The following DUSP12 variants were observed in gnomAD, a reference collection of about 807,000 sequenced individuals.
DUSP12 encodes dual specificity protein phosphatase 12.
In DUSP12, 25 loss-of-function variants were observed where a neutral mutation model predicts 38.9. The ratio of observed to expected loss-of-function variants is 0.64; its 90% CI spans 0.47 to 0.90. The LOEUF (loss-of-function observed/expected upper bound fraction) is 0.90. Among genes scored for constraint, DUSP12 ranks in the 40% least tolerant of loss-of-function variants. The pLI is 0.00. For synonymous variants in DUSP12, 153 were observed against 153.9 expected, an observed-to-expected ratio of 0.99 and a Z score of 0.05; for missense variants, 403 against 427.0, an observed-to-expected ratio of 0.94 and a Z score of 0.50.
chr1:161,752,269 G>C (rs779922042), intron 3 of DUSP12, 99 bp from the exon 4 acceptor site: 1 of 770,346 alleles, frequency 1.3e-6, no homozygotes, highest in East Asian at 2.6e-5. Flanking sequence ...TTTAATTTTT[G>C]AGGTTAGCAC....
intron 5 of DUSP12, among the ~76,000 whole-genome samples, chr1:161,753,986 T>G (rs1197921872): frequency 1.3e-5 from 2 of 152,196 alleles, no homozygotes; most frequent in Non-Finnish European, 2.9e-5. Context: ...AAAAAAAGAA[T>G]GCAGTTCATG....
In DUSP12 at chr1:161,757,085, G is replaced by T; in HGVS notation, c.*138G>T. 1 of 804,360 alleles carries T rather than the reference G, an allele frequency of 1.2e-6. No homozygotes were observed. Among genetic ancestry groups the T allele is most frequent in the Non-Finnish European group, 1.9e-6 (1 of 531,096 alleles). 49.8% of individuals were successfully genotyped at this position (804,360 alleles called of 1,614,324 possible). On this transcript the variant is annotated 3_prime_UTR_variant, in exon 6 of 6. Transcript: ENST00000367943. ...AGATAAAATCACTTGATGTAACCTG[G>T]AAACTATGCTTTACATGGCAATCAA...
chr1:161,750,283 G>GGCA, intron 1 of DUSP12, 138 bp downstream of exon 1: 2 of 927,064 alleles, frequency 2.2e-6, no homozygotes, highest in Non-Finnish European at 3.2e-6. Context: ...TCCCGCAGGA[G>GGCA]GCGTGTTTCC....
chr1:161,753,954 T>C (rs912516829), intron 5 of DUSP12, among the ~76,000 whole-genome samples: 5 of 152,196 alleles, frequency 3.3e-5, no homozygotes, highest in African/African-American at 1.2e-4. Flanking sequence ...CTATTGCTCC[T>C]GTAACCAGTG....
chr1:161,753,346 T>A (rs1684057407), intron 5 of DUSP12, 85 bp downstream of exon 5: 4 of 1,110,996 alleles, frequency 3.6e-6, no homozygotes, highest in Non-Finnish European at 4.9e-6. Flanking sequence ...TTTTAACTAG[T>A]GTTTTGCTCC....
rs1571099275 is a variant in DUSP12 at position 161,751,882 on chromosome 1, G to A, written c.475G>A (p.Glu159Lys). The change falls in exon 3 of 6, where the codon GAG becomes AAG. Residue 159 changes from glutamate to lysine, a missense_variant. Physicochemically the swap from Glu to Lys is moderately conservative, Grantham distance 56 (BLOSUM62 1). Transcript: ENST00000367943. ...TCATTACAGGATGAATGAGGGGTTT[G>A]AGTGGCAACTGAAATTATACCAGGC... is the stretch of plus-strand genomic sequence containing the variant. ...KPEAKMNEGF[E>K]WQLKLYQAMG... 1 of 1,612,836 alleles carries A rather than the reference G, an allele frequency of 6.2e-7. No homozygotes were observed.
chr1:161,753,777 A>G (rs769977950), intron 5 of DUSP12, among the ~76,000 whole-genome samples: 6 of 152,190 alleles, frequency 3.9e-5, no homozygotes, highest in Non-Finnish European at 8.8e-5. Flanking sequence ...GTAACAAGAT[A>G]GGGTAAATCA....
rs369277829 is a variant in DUSP12, at chr1:161,753,143, A to C, written c.743A>C (p.His248Pro). The C allele has an allele frequency of 6.2e-7, 1 of 1,613,974 alleles. No individual in the cohort carries two copies. Among genetic ancestry groups the C allele is most frequent in the African/African-American group, 1.3e-5 (1 of 74,916 alleles). ...GGAAGTGGACCTATAGCCTTTGCCC[A>C]CAAGAGAATGACACCATCTTCCATG... ...REGSGPIAFA[H>P]KRMTPSSMLT... The change falls in exon 5 of 6, where the codon CAC becomes CCC. Residue 248 changes from histidine to proline, a missense_variant. Physicochemically the swap from His to Pro is moderately conservative, Grantham distance 77 (BLOSUM62 -2). Transcript: ENST00000367943.
At chr1:161,752,505 A>C (rs199811805) in intron 4 of DUSP12, 41 bp downstream of exon 4, 7 of 1,344,094 alleles carry the variant, frequency 5.2e-6, no homozygotes, top group Non-Finnish European at 7.3e-6. Flanking sequence ...ATCTTGTCTC[A>C]GTAGCTGAAA....
chr1:161,753,249 G>A lies in DUSP12; in HGVS notation c.849G>A (p.Val283=). 6.3e-7 allele frequency: 1 copy of A among 1,599,966 alleles called. No homozygotes were observed. The highest frequency in any genetic ancestry group is 1.7e-4 in the Middle Eastern group (1 of 5,994). Reference sequence around the variant, plus strand: ...GGATGGAATCTGCTTTGTTGGGAGTGATGGATGGACAGGTGAGAACACATT... The same window carrying A: ...GGATGGAATCTGCTTTGTTGGGAGTAATGGATGGACAGGTGAGAACACATT... The part of the protein sequence containing the change: ...VQWMESALLG[V]MDGQLLCPKC... Residue 283 remains valine (V), a synonymous_variant, in exon 5 of 6, where the codon GTG becomes GTA. Transcript: ENST00000367943.
rs1256402639 is a variant in DUSP12 at position 161,753,271 on chromosome 1, C to G, written c.861+10C>G. The G allele has an allele frequency of 6.5e-7, 1 of 1,532,698 alleles. No individual in the cohort carries two copies. Among genetic ancestry groups the G allele is most frequent in the Non-Finnish European group, 8.8e-7 (1 of 1,137,348 alleles). The allele number at this position is 1,532,698 out of a possible 1,614,324, so 94.9% of individuals were successfully genotyped here. On this transcript the variant is annotated intron_variant, in intron 5 of 5. Coordinates refer to ENST00000367943, the MANE Select transcript of DUSP12 (RefSeq NM_007240.3). ...AGTGATGGATGGACAGGTGAGAACA[C>G]ATTTTATTTTCTACAATTTTATTTT...
rs1378367583 is a variant in DUSP12 at position 161,751,863 on chromosome 1, CA to C, written c.459-2del. 2 of 1,609,672 alleles carry C rather than the reference CA, an allele frequency of 1.2e-6. No homozygotes were observed. Among genetic ancestry groups the C allele is most frequent in the Non-Finnish European group, 1.7e-6 (2 of 1,177,602 alleles). ...GAAACTTTATATTTCTTTATCATTA[CA>C]GGATGAATGAGGGGTTTGAGTGGCA... On this transcript the variant is annotated splice_acceptor_variant, in intron 2 of 5. Transcript: ENST00000367943. LOFTEE classifies it high-confidence loss of function.
In DUSP12 at chr1:161,753,075, G is replaced by A; in HGVS notation, c.675G>A (p.Arg225=). 6.3e-7 allele frequency: 1 copy of A among 1,599,228 alleles called. No homozygotes were observed. Among genetic ancestry groups the A allele is most frequent in the Non-Finnish European group, 8.5e-7 (1 of 1,172,234 alleles). ...DEVLYKCRKC[R]RSLFRSSSIL... ...GCTTTTGTTTGTTTGGGGGTTGCAGGCGATCATTATTTCGAAGTTCTAGTA... is the reference window on the plus strand; with the variant it reads ...GCTTTTGTTTGTTTGGGGGTTGCAGACGATCATTATTTCGAAGTTCTAGTA... The change falls in exon 5 of 6, where the codon AGG becomes AGA. Residue 225 remains arginine, a splice_region_variant and synonymous_variant. Transcript: ENST00000367943.
At chr1:161,752,573 T>C in intron 4 of DUSP12, 109 bp downstream of exon 4, 1 of 728,356 alleles carries the variant, frequency 1.4e-6, no homozygotes, top group South Asian at 2.1e-5. Flanking sequence ...TAATTGAAAT[T>C]TTTAGTTCAG....
chr1:161,755,427 T>C (rs1038928550), intron 5 of DUSP12, among the ~76,000 whole-genome samples: 2 of 152,228 alleles, frequency 1.3e-5, no homozygotes, highest in African/African-American at 4.8e-5. Context: ...CAGGCTGATA[T>C]TCAAAATGCC....
intron 3 of DUSP12, 60 bp downstream of exon 3, chr1:161,752,044 A>G (rs1684030722): frequency 1.8e-6 from 2 of 1,130,374 alleles, no homozygotes; most frequent in Admixed American, 2.1e-5. Context: ...TTAGCATTGT[A>G]TGCTTTACCT....
chr1:161,751,572 G>A (rs1362758800), intron 1 of DUSP12, 96 bp from the exon 2 acceptor site: 6 of 1,453,604 alleles, frequency 4.1e-6, no homozygotes, highest in Non-Finnish European at 5.6e-6. Context: ...AAATGAAGTG[G>A]GCCTAAACTT....
rs767200899 is a variant in DUSP12 at position 161,749,941 on chromosome 1, A to C, written c.140A>C (p.His47Pro). Reference protein sequence around the residue: ...GGAAAVAEPDHLREAGITAVL... With the variant: ...GGAAAVAEPDPLREAGITAVL... ...GCCGCGGCCGTCGCGGAGCCAGATCACCTGAGGGAAGCGGGCATCACGGCC... is the reference window on the plus strand; with the variant it reads ...GCCGCGGCCGTCGCGGAGCCAGATCCCCTGAGGGAAGCGGGCATCACGGCC... The change falls in exon 1 of 6, where the codon CAC (histidine) becomes CCC (proline). Residue 47 changes from histidine (H) to proline (P), a missense_variant. His to Pro is a moderately conservative substitution (Grantham distance 77). Coordinates refer to ENST00000367943, the MANE Select transcript of DUSP12 (RefSeq NM_007240.3). 1 of 1,613,936 alleles carries C rather than the reference A, an allele frequency of 6.2e-7. No individual in the cohort carries two copies. The highest frequency in any genetic ancestry group is 8.5e-7 in the Non-Finnish European group (1 of 1,179,882).
At position 161,750,027 on chromosome 1, in the gene DUSP12, T is replaced by C. The variant is rs1683989770; in HGVS notation, c.226T>C (p.Trp76Arg). The change falls in exon 1 of 6, where the codon TGG becomes CGG. Residue 76 changes from tryptophan (W) to arginine (R), a missense_variant. Transcript: ENST00000367943. ...FKAGPGVEDL[W>R]RLFVPALDKP... ...GGCGGGGCCTGGGGTCGAGGATCTA[T>C]GGCGCCTCTTCGTGCCAGCGCTGGA... is the stretch of plus-strand genomic sequence containing the variant. 1 of 1,614,014 alleles carries C rather than the reference T, an allele frequency of 6.2e-7. No homozygotes were observed. Among genetic ancestry groups the C allele is most frequent in the Non-Finnish European group, 8.5e-7 (1 of 1,179,972 alleles).
Sources: gnomAD v4.1 joint callset for allele counts (sites outside exome capture counted in the v4.1 genomes callset) on GRCh38, gnomAD v4.1.1 for gene constraint, MANE v1.5 for transcripts, NCBI Gene and HGNC (gene_info 2026-07-23, HGNC 2026-07-21) for gene names.